The following AK5 variants were observed in gnomAD, a reference collection of about 807,000 sequenced individuals.
AK5 encodes the protein adenylate kinase 5, also known as adenylate kinase isoenzyme 5.
AK5 carries 27 observed loss-of-function variants against 69.5 expected under a neutral mutation model. The observed-to-expected ratio is 0.39, with a 90% CI of 0.29 to 0.54. The LOEUF is 0.54. AK5 is among the 20% of genes least tolerant of loss of function. The pLI, the probability that AK5 is intolerant of heterozygous loss-of-function variation, is 0.71. For synonymous variants in AK5, 260 were observed against 244.4 expected, an observed-to-expected ratio of 1.06 and a Z score of -0.60; for missense variants, 531 against 700.4, an observed-to-expected ratio of 0.76 and a Z score of 2.73.
At chr1:77,365,431 C>T (rs1216490172) in intron 6 of AK5, among the ~76,000 whole-genome samples, 3 of 152,216 alleles carry the variant, frequency 2.0e-5, no homozygotes, top group South Asian at 4.1e-4. Flanking sequence ...TACTTTGTTT[C>T]ATCTTGAAGG....
chr1:77,326,382 G>A (rs1021410345), intron 5 of AK5, among the ~76,000 whole-genome samples: 4 of 151,740 alleles, frequency 2.6e-5, no homozygotes, highest in South Asian at 4.1e-4. Context: ...TTTCAGCTAC[G>A]TAAATCAAAG....
intron 5 of AK5, among the ~76,000 whole-genome samples, chr1:77,339,509 A>G (rs1661537434): frequency 6.6e-6 from 1 of 152,160 alleles, no homozygotes. Context: ...GACCAGACAG[A>G]CTTGAGTTCA....
intron 6 of AK5, among the ~76,000 whole-genome samples, chr1:77,399,736 G>C (rs1182857302): frequency 2.0e-5 from 3 of 152,190 alleles, no homozygotes; most frequent in Non-Finnish European, 4.4e-5. Flanking sequence ...AGACCGAATA[G>C]TGATGAGAGG....
chr1:77,286,055 GAAGA>G (rs1658330109), intron 1 of AK5, among the ~76,000 whole-genome samples: 1 of 152,254 alleles, frequency 6.6e-6, no homozygotes, highest in African/African-American at 2.4e-5. Flanking sequence ...TGGGAACACA[GAAGA>G]AGGGGTTCAC....
chr1:77,451,633 A>C (rs58962956), intron 8 of AK5, among the ~76,000 whole-genome samples: 1 of 152,258 alleles, frequency 6.6e-6, no homozygotes, highest in Non-Finnish European at 1.5e-5. Context: ...ACTTGGGTAC[A>C]TAGGAGCTGC....
At chr1:77,482,710 G>A (rs1655329957) in intron 8 of AK5, among the ~76,000 whole-genome samples, 1 of 151,478 alleles carries the variant, frequency 6.6e-6, no homozygotes, top group South Asian at 2.1e-4. Context: ...GGTGGAGGTT[G>A]CAGTGAGCCG....
At chr1:77,491,766 A>G (rs911673594) in intron 10 of AK5, among the ~76,000 whole-genome samples, 30 of 152,222 alleles carry the variant, frequency 2.0e-4, no homozygotes, top group African/African-American at 6.8e-4. Flanking sequence ...AACACGTACC[A>G]GACACTACAT....
intron 8 of AK5, among the ~76,000 whole-genome samples, chr1:77,475,172 T>C (rs1303253797): frequency 6.5e-5 from 1 of 15,414 alleles, no homozygotes; most frequent in African/African-American, 1.1e-4. Flanking sequence ...TGCATGTATA[T>C]ATATATATAT....
chr1:77,369,275 A>G (rs1472761746), intron 6 of AK5, among the ~76,000 whole-genome samples: 1 of 152,180 alleles, frequency 6.6e-6, no homozygotes, highest in African/African-American at 2.4e-5. Flanking sequence ...TCTAATTCCA[A>G]AGCCTGTGCT....
chr1:77,293,676 A>G (rs1658815038), intron 2 of AK5, 117 bp from the exon 3 acceptor site: 2 of 850,828 alleles, frequency 2.4e-6, no homozygotes, highest in Non-Finnish European at 3.5e-6. Flanking sequence ...GACTTCTTCC[A>G]GTTAAGAAAA....
intron 6 of AK5, among the ~76,000 whole-genome samples, chr1:77,384,841 A>C (rs1647892722): frequency 6.6e-6 from 1 of 152,150 alleles, no homozygotes; most frequent in Non-Finnish European, 1.5e-5. Flanking sequence ...TGACACTACT[A>C]CTACTACAAG....
chr1:77,558,767 C>A lies in AK5; in HGVS notation c.*97C>A. On this transcript the variant is annotated 3_prime_UTR_variant, in exon 14 of 14. Transcript: ENST00000354567. The stretch of plus-strand genomic sequence containing the variant: ...CAAGTTAAACCTTTTGTGTCACCGC[C>A]CCCACCAACCACCACCTCCTAAATC... The A allele has an allele frequency of 1.2e-6, 1 of 830,300 alleles. No homozygotes were observed. The highest frequency in any genetic ancestry group is 2.0e-6 in the Non-Finnish European group (1 of 493,162). The allele number at this position is 830,300 out of a possible 1,614,324, so 51.4% of individuals were successfully genotyped here. A position where few individuals can be genotyped will look rare whatever the true frequency, so the allele number is the denominator to read the frequency against.
chr1:77,388,601 G>A (rs1003336807), intron 6 of AK5, among the ~76,000 whole-genome samples: 1 of 151,724 alleles, frequency 6.6e-6, no homozygotes, highest in African/African-American at 2.4e-5. Flanking sequence ...TTTGCATTAA[G>A]CATTCCTCAT....
At chr1:77,505,430 G>A (rs767171650) in intron 10 of AK5, among the ~76,000 whole-genome samples, 1 of 152,204 alleles carries the variant, frequency 6.6e-6, no homozygotes, top group Non-Finnish European at 1.5e-5. Context: ...GAAAAAAGCA[G>A]CAGAGAAACA....
intron 5 of AK5, among the ~76,000 whole-genome samples, chr1:77,300,679 T>C (rs964314180): frequency 2.0e-5 from 3 of 152,100 alleles, no homozygotes; most frequent in African/African-American, 7.2e-5. Flanking sequence ...CTATCCAGAG[T>C]TAGTTCAGAC....
At chr1:77,528,541 A>G (rs1658409706) in intron 12 of AK5, among the ~76,000 whole-genome samples, 1 of 152,298 alleles carries the variant, frequency 6.6e-6, no homozygotes, top group Admixed American at 6.5e-5. Flanking sequence ...AATGCAAACT[A>G]ATGTCCACAG....
At chr1:77,533,533 A>C (rs1220781665) in intron 12 of AK5, among the ~76,000 whole-genome samples, 1 of 132,486 alleles carries the variant, frequency 7.5e-6, no homozygotes, top group African/African-American at 2.6e-5. Flanking sequence ...AAAAAAAAAA[A>C]AACAGATTCT....
At chr1:77,372,927 G>A (rs1009235267) in intron 6 of AK5, among the ~76,000 whole-genome samples, 6 of 151,980 alleles carry the variant, frequency 3.9e-5, no homozygotes, top group Admixed American at 3.3e-4. Flanking sequence ...TCTATTATAG[G>A]GATCTATGTC....
intron 6 of AK5, among the ~76,000 whole-genome samples, chr1:77,385,252 C>T (rs962358187): frequency 7.2e-5 from 11 of 152,176 alleles, no homozygotes; most frequent in South Asian, 2.1e-4. Flanking sequence ...CTCCGCCTCC[C>T]GGGTTCACGC....
Sources: allele counts gnomAD v4.1 joint callset (sites outside exome capture counted in the v4.1 genomes callset), GRCh38; gene constraint gnomAD v4.1.1; transcripts MANE v1.5; gene names NCBI Gene and HGNC (gene_info 2026-07-23, HGNC 2026-07-21).